ERBB4: variants seen among roughly 807,000 people sequenced by gnomAD.
ERBB4 encodes receptor tyrosine-protein kinase erbB-4.
Under a neutral mutation model 158.0 loss-of-function variants are expected in ERBB4, and 42 were observed. The observed-to-expected ratio is 0.27, with a 90% confidence interval of 0.21 to 0.34. The LOEUF is 0.34. ERBB4 is among the 10% of genes least tolerant of loss of function. The pLI, the probability that ERBB4 is intolerant of heterozygous loss-of-function variation, is 1.00. For missense variants in ERBB4, 1,333 were observed against 1,624.1 expected (o/e 0.82, Z 3.08); for synonymous variants, 583 against 558.7 (o/e 1.04, Z -0.61).
intron 18 of ERBB4, among the ~76,000 whole-genome samples, chr2:211,622,978 A>AG (rs2069663767): frequency 9.7e-5 from 5 of 51,594 alleles, no homozygotes; most frequent in African/African-American, 4.6e-4. Flanking sequence ...AAAAAAAAAA[A>AG]AAAAAAAAAA....
chr2:212,480,418 C>T (rs1035436909), intron 1 of ERBB4, among the ~76,000 whole-genome samples: 3 of 152,126 alleles, frequency 2.0e-5, no homozygotes, highest in Non-Finnish European at 2.9e-5. Flanking sequence ...AAGGCTTTCT[C>T]GGCCACGATG....
chr2:211,939,390 A>ATT (rs550998240), intron 3 of ERBB4, among the ~76,000 whole-genome samples: 6,790 of 146,776 alleles, frequency 0.046, 258 homozygotes, highest in African/African-American at 0.1. Context: ...TCTGAAACAG[A>ATT]TTTTTTTTTT....
intron 2 of ERBB4, among the ~76,000 whole-genome samples, chr2:211,968,395 A>G (rs1484829330): frequency 6.6e-6 from 1 of 152,038 alleles, no homozygotes; most frequent in African/African-American, 2.4e-5. Context: ...AAATATTAAG[A>G]GCATATGTTT....
chr2:211,897,220 G>C (rs1216717388), intron 3 of ERBB4, among the ~76,000 whole-genome samples: 1 of 151,736 alleles, frequency 6.6e-6, no homozygotes, highest in Non-Finnish European at 1.5e-5. Context: ...ACCCACGCAT[G>C]CAACTGTTTT....
intron 1 of ERBB4, among the ~76,000 whole-genome samples, chr2:212,125,493 T>C (rs1403629817): frequency 4.6e-5 from 7 of 152,170 alleles, no homozygotes; most frequent in African/African-American, 1.2e-4. Context: ...ATGGGGGTTA[T>C]TCATACAGAT....
chr2:211,696,239 T>TC (rs2073018597), intron 12 of ERBB4, among the ~76,000 whole-genome samples: 1 of 152,002 alleles, frequency 6.6e-6, no homozygotes, highest in Non-Finnish European at 1.5e-5. Context: ...GCCTCCCGAG[T>TC]AGCTGGGACT....
chr2:211,899,631 G>A (rs1484776522), intron 3 of ERBB4, among the ~76,000 whole-genome samples: 1 of 152,102 alleles, frequency 6.6e-6, no homozygotes, highest in Non-Finnish European at 1.5e-5. Flanking sequence ...TGTCTCTAGT[G>A]ATATGTTATT....
intron 1 of ERBB4, among the ~76,000 whole-genome samples, chr2:212,422,372 C>A (rs2091812978): frequency 6.6e-6 from 1 of 152,048 alleles, no homozygotes; most frequent in Non-Finnish European, 1.5e-5. Context: ...GTGGTACATG[C>A]CTGTAGTCCC....
At chr2:211,466,091 G>A (rs2064679846) in intron 20 of ERBB4, among the ~76,000 whole-genome samples, 1 of 152,142 alleles carries the variant, frequency 6.6e-6, no homozygotes, top group South Asian at 2.1e-4. Flanking sequence ...GAATGTACAA[G>A]CAGTCACCAG....
rs1467633524 is a variant in ERBB4 at position 212,515,884 on chromosome 2, T to C, written c.82+22565A>G. 2.0e-5 allele frequency among the ~76,000 whole-genome samples: 3 copies of C among 152,000 alleles called. No homozygotes were observed. In the South Asian group the frequency reaches 6.2e-4, roughly 32 times the overall value. On this transcript the variant is annotated intron_variant, in intron 1 of 27. Coordinates refer to ENST00000342788, the MANE Select transcript of ERBB4 (RefSeq NM_005235.3). ...GTAAAGATGTAACTCAAAAGAGTTATCTCCAGCTTCTTAAACATAAAAGAG... is the reference window on the plus strand; with the variant it reads ...GTAAAGATGTAACTCAAAAGAGTTACCTCCAGCTTCTTAAACATAAAAGAG...
chr2:211,996,416 A>G (rs188603757), intron 2 of ERBB4, among the ~76,000 whole-genome samples: 1 of 152,222 alleles, frequency 6.6e-6, no homozygotes, highest in Admixed American at 6.5e-5. Flanking sequence ...TTTCCATCCT[A>G]TTTTAAGAAT....
intron 3 of ERBB4, among the ~76,000 whole-genome samples, chr2:211,886,964 T>G (rs1430379661): frequency 6.6e-6 from 1 of 152,210 alleles, no homozygotes; most frequent in Non-Finnish European, 1.5e-5. Flanking sequence ...CATTTCCAAT[T>G]CCAGTACCAC....
intron 3 of ERBB4, among the ~76,000 whole-genome samples, chr2:211,789,445 T>C (rs976761898): frequency 6.6e-6 from 1 of 152,164 alleles, no homozygotes; most frequent in Non-Finnish European, 1.5e-5. Context: ...TCCTTCTGAA[T>C]TGCAGGCAGG....
At chr2:212,114,006 G>T (rs963853476) in intron 2 of ERBB4, among the ~76,000 whole-genome samples, 3 of 151,994 alleles carry the variant, frequency 2.0e-5, no homozygotes, top group African/African-American at 7.2e-5. Flanking sequence ...TATAAAATTT[G>T]CTTACTTATT....
At chr2:212,339,850 T>C (rs6753945) in intron 1 of ERBB4, among the ~76,000 whole-genome samples, 53,480 of 151,894 alleles carry the variant, frequency 0.35, 11,378 homozygotes, top group East Asian at 0.78. Flanking sequence ...AAAATCTGTA[T>C]ACTATAATTC....
intron 1 of ERBB4, among the ~76,000 whole-genome samples, chr2:212,260,456 C>T (rs2084898050): frequency 1.3e-5 from 2 of 152,176 alleles, no homozygotes; most frequent in African/African-American, 4.8e-5. Flanking sequence ...TGGTCTATAG[C>T]ATTAGCTTAC....
intron 3 of ERBB4, among the ~76,000 whole-genome samples, chr2:211,832,255 G>A (rs1317191727): frequency 1.3e-5 from 2 of 152,018 alleles, no homozygotes; most frequent in East Asian, 1.9e-4. Flanking sequence ...TGAAAAAAAA[G>A]TTGATTATTA....
chr2:212,103,280 T>C (rs2079134478), intron 2 of ERBB4, among the ~76,000 whole-genome samples: 1 of 152,130 alleles, frequency 6.6e-6, no homozygotes, highest in Non-Finnish European at 1.5e-5. Context: ...TAAGTCTTCC[T>C]TCACTTTCTA....
intron 22 of ERBB4, 72 bp from the exon 23 acceptor site, chr2:211,424,373 A>G: frequency 9.3e-7 from 1 of 1,073,558 alleles, no homozygotes; most frequent in Admixed American, 1.9e-5. Flanking sequence ...CTATACCAGT[A>G]GTAAAAGAAT....
Sources: gnomAD v4.1 joint callset for allele counts (sites outside exome capture counted in the v4.1 genomes callset) on GRCh38, gnomAD v4.1.1 for gene constraint, MANE v1.5 for transcripts, NCBI Gene and HGNC (gene_info 2026-07-23, HGNC 2026-07-21) for gene names.